Variants in GALNT18 observed in about 807,000 individuals in gnomAD.
GALNT18 encodes the protein GalNAc-transferase 18.
Under a neutral mutation model 69.5 loss-of-function variants are expected in GALNT18, and 44 were observed. That is an observed-to-expected ratio of 0.63 (90% CI 0.50 to 0.81). The LOEUF (loss-of-function observed/expected upper bound fraction) is 0.81, where lower values mean the gene tolerates loss of function less well. Ranked by LOEUF, GALNT18 falls within the 40% of genes least tolerant of loss-of-function variation. The pLI is 0.00. For synonymous variants in GALNT18, 364 were observed against 318.2 expected (o/e 1.14, Z -1.53); for missense variants, 715 against 810.0 (o/e 0.88, Z 1.42).
chr11:11,391,729 A>G (rs4243929), intron 3 of GALNT18, among the ~76,000 whole-genome samples: 12,453 of 152,270 alleles, frequency 0.082, 714 homozygotes, highest in Admixed American at 0.15. Context: ...GTCATTGGTT[A>G]AGGACTGCTC....
intron 10 of GALNT18, among the ~76,000 whole-genome samples, chr11:11,273,471 A>C (rs138455467): frequency 5.9e-5 from 9 of 152,258 alleles, no homozygotes; most frequent in African/African-American, 1.9e-4. Flanking sequence ...ATTACCAGAG[A>C]AAAGTAAGCA....
chr11:11,371,249 C>T (rs1403151164), intron 6 of GALNT18, among the ~76,000 whole-genome samples: 3 of 152,312 alleles, frequency 2.0e-5, no homozygotes, highest in East Asian at 3.9e-4. Context: ...GTGAGATGCT[C>T]ACTGTGGGTG....
rs893417519 is a variant in GALNT18, at chr11:11,590,933, T to C, written c.235+30426A>G. ...ACAACTATGTTACTGGTTTATGTAT[T>C]TACTATATTATATTTTTACTATTAT... On this transcript the variant is annotated intron_variant, in intron 1 of 10. Transcript: ENST00000227756. This position sits in a 1 kb window ranked among gnomAD's most constrained non-coding sequence, Gnocchi z 4.4. Among the ~76,000 whole-genome samples the C allele has an allele frequency of 2.6e-5, 4 of 152,354 alleles. No homozygotes were observed. The highest frequency in any genetic ancestry group is 3.9e-4 in the East Asian group (2 of 5,188).
At chr11:11,376,739 G>T (rs1457290220) in intron 5 of GALNT18, among the ~76,000 whole-genome samples, 1 of 152,066 alleles carries the variant, frequency 6.6e-6, no homozygotes, top group Non-Finnish European at 1.5e-5. Flanking sequence ...CCCCAACCTA[G>T]CCATCTTCTA....
chr11:11,508,125 T>C (rs1201688451), intron 1 of GALNT18, among the ~76,000 whole-genome samples: 3 of 152,254 alleles, frequency 2.0e-5, no homozygotes, highest in Admixed American at 2.0e-4. Flanking sequence ...ATGTCCTTTA[T>C]AGCTCTTTGT....
rs146292552 is a variant in GALNT18 at position 11,604,130 on chromosome 11, C to T, written c.235+17229G>A. On this transcript the variant is annotated intron_variant, in intron 1 of 10. Coordinates refer to ENST00000227756, the MANE Select transcript of GALNT18 (RefSeq NM_198516.3). The surrounding 1 kb of genome is among the most constrained non-coding windows in gnomAD (Gnocchi z 5.6). ...GCCTTAATTTTGGACTTCCCAGCCT[C>T]CAGAACTGTGAGGAAATAAGTGTCT... Among the ~76,000 whole-genome samples the T allele has an allele frequency of 3.5e-3, 536 of 152,298 alleles. 6 individuals are homozygous for T. The highest frequency in any genetic ancestry group is 0.012 in the African/African-American group (507 of 41,564).
Position 11,340,465 on chromosome 11 carries a change from T to C in GALNT18, c.1278+354A>G, listed in dbSNP as rs754416191. Among the ~76,000 whole-genome samples, 3 of 152,222 alleles carry C rather than the reference T, an allele frequency of 2.0e-5. No homozygotes were observed. The highest frequency in any genetic ancestry group is 6.5e-5 in the Admixed American group (1 of 15,288). ...TTGTAAATTTTTGTAGTTACTGGTATATTTGTAATCCAGGACCATGAAACA... is the reference window on the plus strand; with the variant it reads ...TTGTAAATTTTTGTAGTTACTGGTACATTTGTAATCCAGGACCATGAAACA... On this transcript the variant is annotated intron_variant, in intron 7 of 10. Coordinates refer to ENST00000227756, the MANE Select transcript of GALNT18 (RefSeq NM_198516.3). This position sits in a 1 kb window ranked among gnomAD's most constrained non-coding sequence, Gnocchi z 4.2.
At chr11:11,489,326 T>G (rs12806669) in intron 1 of GALNT18, among the ~76,000 whole-genome samples, 3,160 of 152,294 alleles carry the variant, frequency 0.021, 53 homozygotes, top group South Asian at 0.039. Flanking sequence ...ATCCTTTGAC[T>G]TGGGCAGGTC....
chr11:11,536,503 C>T (rs1223366540), intron 1 of GALNT18, among the ~76,000 whole-genome samples: 1 of 152,206 alleles, frequency 6.6e-6, no homozygotes, highest in East Asian at 1.9e-4. Flanking sequence ...CCCCTCCTTA[C>T]ACCTCACTAG....
In GALNT18 at chr11:11,435,999, T is replaced by G. The variant is rs1855392055; in HGVS notation, c.429-3212A>C. Among the ~76,000 whole-genome samples the G allele has an allele frequency of 6.6e-6, 1 of 152,272 alleles. No individual in the cohort carries two copies. Among genetic ancestry groups the G allele is most frequent in the South Asian group, 2.1e-4 (1 of 4,830 alleles). On this transcript the variant is annotated intron_variant, in intron 2 of 10. Transcript: ENST00000227756. This position sits in a 1 kb window ranked among gnomAD's most constrained non-coding sequence, Gnocchi z 4.4. ...CCTGGCGACAGCCATGCTGCCGCTGTGGCCTCTCTCTCGGCATCAGGAGAC... is the reference window on the plus strand; with the variant it reads ...CCTGGCGACAGCCATGCTGCCGCTGGGGCCTCTCTCTCGGCATCAGGAGAC...
intron 3 of GALNT18, among the ~76,000 whole-genome samples, chr11:11,414,108 C>T (rs972960881): frequency 5.3e-5 from 8 of 152,120 alleles, no homozygotes; most frequent in Non-Finnish European, 7.3e-5. Flanking sequence ...CTCGGATGTA[C>T]CCACTTTTCT....
intron 10 of GALNT18, among the ~76,000 whole-genome samples, chr11:11,287,270 G>T (rs1167588431): frequency 6.6e-6 from 1 of 152,184 alleles, no homozygotes; most frequent in African/African-American, 2.4e-5. Context: ...CAGAAAGTGG[G>T]AGCTTGGAGG....
chr11:11,288,355 T>G (rs1389191263), intron 10 of GALNT18, among the ~76,000 whole-genome samples: 1 of 152,180 alleles, frequency 6.6e-6, no homozygotes, highest in Non-Finnish European at 1.5e-5. Flanking sequence ...CTTGGGATGT[T>G]CTATGCTTGG....
At chr11:11,493,333 G>A (rs1856811191) in intron 1 of GALNT18, among the ~76,000 whole-genome samples, 1 of 151,366 alleles carries the variant, frequency 6.6e-6, no homozygotes, top group African/African-American at 2.4e-5. Context: ...TCCTCTATTG[G>A]GTGGATCTTT....
intron 6 of GALNT18, among the ~76,000 whole-genome samples, chr11:11,359,660 T>A (rs1850602136): frequency 6.6e-6 from 1 of 152,220 alleles, no homozygotes; most frequent in Admixed American, 6.5e-5. Context: ...GCCCCAGCAC[T>A]CCTGAGAGAT....
At chr11:11,462,211 G>A (rs879759824) in intron 1 of GALNT18, among the ~76,000 whole-genome samples, 11 of 152,146 alleles carry the variant, frequency 7.2e-5, no homozygotes, top group Non-Finnish European at 1.2e-4. Flanking sequence ...CTCAGCTGTA[G>A]AGGAGGAACT....
intron 1 of GALNT18, among the ~76,000 whole-genome samples, chr11:11,554,441 A>C (rs1590094581): frequency 6.6e-6 from 1 of 151,968 alleles, no homozygotes; most frequent in South Asian, 2.1e-4. Context: ...TCTTTCATGA[A>C]AGACATTACC....
At position 11,497,631 on chromosome 11, in the gene GALNT18, T is replaced by G. The variant is rs1856893672; in HGVS notation, c.236-48695A>C. 6.6e-6 allele frequency among the ~76,000 whole-genome samples: 1 copy of G among 152,108 alleles called. No homozygotes were observed. The highest frequency in any genetic ancestry group is 1.5e-5 in the Non-Finnish European group (1 of 68,026). On this transcript the variant is annotated intron_variant, in intron 1 of 10. Transcript: ENST00000227756. The surrounding 1 kb of genome is among the most constrained non-coding windows in gnomAD (Gnocchi z 4.2). ...CAAATAAGCACCAAACACACAGTAT[T>G]TCCAGTAACAACTCTCTTATCTAAC...
At chr11:11,363,198 T>C (rs1449059082) in intron 6 of GALNT18, among the ~76,000 whole-genome samples, 1 of 152,162 alleles carries the variant, frequency 6.6e-6, no homozygotes, top group Non-Finnish European at 1.5e-5. Flanking sequence ...ACGCTGAAAG[T>C]TCCTTATTTT....
Sources: allele counts gnomAD v4.1 joint callset (sites outside exome capture counted in the v4.1 genomes callset), GRCh38; gene constraint gnomAD v4.1.1; non-coding constraint Gnocchi (gnomAD v3.1); transcripts MANE v1.5; gene names NCBI Gene and HGNC (gene_info 2026-07-23, HGNC 2026-07-21).